MIER2: variants seen among roughly 807,000 people sequenced by gnomAD.
The protein encoded by MIER2 is mesoderm induction early response protein 2.
Under a neutral mutation model 67.6 loss-of-function variants are expected in MIER2, and 30 were observed. The observed-to-expected ratio is 0.44, with a 90% CI of 0.33 to 0.60. The LOEUF is 0.60. MIER2 is among the 20% of genes least tolerant of loss of function. The pLI is 0.02. For synonymous variants in MIER2, 372 were observed against 312.6 expected (o/e 1.19, Z -2.00); for missense variants, 702 against 745.1 (o/e 0.94, Z 0.67).
At chr19:328,655 C>T (rs772163061) in intron 3 of MIER2, among the ~76,000 whole-genome samples, 17 of 151,976 alleles carry the variant, frequency 1.1e-4, no homozygotes, top group Admixed American at 7.9e-4. Context: ...GGCTGAAGCA[C>T]GAGAATCACT....
intron 5 of MIER2, chr19:326,900 G>A (rs1971776965): frequency 3.3e-6 from 2 of 597,994 alleles, no homozygotes; most frequent in Non-Finnish European, 5.7e-6. Flanking sequence ...ATCTGCTAGG[G>A]GAACCAACAT....
chr19:306,779 T>C (rs1970671220), intron 13 of MIER2, 68 bp from the exon 14 acceptor site: 1 of 1,544,782 alleles, frequency 6.5e-7, no homozygotes, highest in African/African-American at 1.4e-5. Flanking sequence ...CACAGCCCAG[T>C]GCTGAGCGCT....
intron 10 of MIER2, among the ~76,000 whole-genome samples, chr19:310,288 C>T (rs891791662): frequency 6.6e-6 from 1 of 152,230 alleles, no homozygotes; most frequent in Non-Finnish European, 1.5e-5. Context: ...GCCCCATGCT[C>T]ACCGCTGCGA....
In MIER2 at chr19:308,506, T is replaced by A; in HGVS notation, c.1198+71A>T. On this transcript the variant is annotated intron_variant, in intron 12 of 13. Coordinates refer to ENST00000264819, the MANE Select transcript of MIER2 (RefSeq NM_017550.3). This position sits in a 1 kb window ranked among gnomAD's most constrained non-coding sequence, Gnocchi z 9.1. ...GCACAGGGCGCCAGGCAGGAGAGGC[T>A]CCACCGGGCCTCACTCACGGCTCCA... The A allele has an allele frequency of 6.9e-7, 1 of 1,453,870 alleles. No individual in the cohort carries two copies. The highest frequency in any genetic ancestry group is 9.3e-7 in the Non-Finnish European group (1 of 1,074,838). The allele number at this position is 1,453,870 out of a possible 1,614,324, so 90.1% of individuals were successfully genotyped here.
chr19:314,594 C>T (rs1971153201), intron 7 of MIER2, among the ~76,000 whole-genome samples: 1 of 152,126 alleles, frequency 6.6e-6, no homozygotes, highest in Non-Finnish European at 1.5e-5. Context: ...CAGGTTGGTG[C>T]TGTGCCCCAC....
intron 2 of MIER2, among the ~76,000 whole-genome samples, chr19:335,149 T>C (rs1324095733): frequency 6.6e-6 from 1 of 152,246 alleles, no homozygotes; most frequent in East Asian, 1.9e-4. Flanking sequence ...TCTGCATGTT[T>C]ACTCTCCAAT....
chr19:326,291 C>T (rs566923107), intron 6 of MIER2, among the ~76,000 whole-genome samples: 123 of 74,598 alleles, frequency 1.6e-3, no homozygotes, highest in Middle Eastern at 0.01. Flanking sequence ...AACCACAGTC[C>T]GGATGCCAGG....
chr19:343,953 C>CT, intron 1 of MIER2: 1 of 985,446 alleles, frequency 1.0e-6, no homozygotes, highest in Non-Finnish European at 1.2e-6. Context: ...TATCTGTTGT[C>CT]TTATCCTAGA....
At chr19:334,566 G>A (rs1233127793) in intron 2 of MIER2, 24 bp from the exon 3 acceptor site, 1 of 1,610,214 alleles carries the variant, frequency 6.2e-7, no homozygotes, top group Non-Finnish European at 8.5e-7. Context: ...AGCAGCCCAG[G>A]TGAGCACCGT....
chr19:337,891 A>AG, intron 1 of MIER2, among the ~76,000 whole-genome samples: 1 of 140,918 alleles, frequency 7.1e-6, no homozygotes, highest in Non-Finnish European at 1.5e-5. Context: ...AAAAAAAAAA[A>AG]GGCTGGGCGC....
intron 7 of MIER2, among the ~76,000 whole-genome samples, chr19:321,370 C>T (rs1291504128): frequency 2.6e-5 from 4 of 152,126 alleles, no homozygotes; most frequent in African/African-American, 4.8e-5. Flanking sequence ...ATGGGCCGGG[C>T]GCAGGGGCTC....
chr19:322,759 C>T (rs1971551504), intron 7 of MIER2, among the ~76,000 whole-genome samples: 1 of 152,094 alleles, frequency 6.6e-6, no homozygotes, highest in African/African-American at 2.4e-5. Flanking sequence ...GCACACACCT[C>T]CCACACGACT....
chr19:338,525 C>T lies in MIER2; in HGVS notation c.10-2352G>A, dbSNP rs373720980. On this transcript the variant is annotated intron_variant, in intron 1 of 13. Transcript: ENST00000264819. The stretch of plus-strand genomic sequence containing the variant: ...ACCCCCCACTGATTGACAAATTCAA[C>T]ACCATGTCTATCAGAACCCCAGTTG... Among the ~76,000 whole-genome samples, 77 of 152,248 alleles carry T rather than the reference C, an allele frequency of 5.1e-4. No individual in the cohort carries two copies. In the South Asian group the frequency reaches 0.016, roughly 32 times the overall value.
chr19:341,614 GCAGGTTCC>G (rs1972507434), intron 1 of MIER2, among the ~76,000 whole-genome samples: 1 of 152,144 alleles, frequency 6.6e-6, no homozygotes, highest in African/African-American at 2.4e-5. Flanking sequence ...TACTCTCAAA[GCAGGTTCC>G]CAGGGACTCT....
intron 1 of MIER2, among the ~76,000 whole-genome samples, chr19:343,264 C>T (rs1972583838): frequency 6.6e-6 from 1 of 152,178 alleles, no homozygotes; most frequent in Admixed American, 6.5e-5. Context: ...CTGACTTGTG[C>T]CATCCCAGAC....
rs537156814 is a variant in MIER2 at position 335,279 on chromosome 19, G to A, written c.101-737C>T. On this transcript the variant is annotated intron_variant, in intron 2 of 13. Transcript: ENST00000264819. ...GGAGTCCAGGGCACGAGGCCTCTAG[G>A]GCAGCCACACAGCCTGTAGGGCTGG... 6.6e-5 allele frequency among the ~76,000 whole-genome samples: 10 copies of A among 152,328 alleles called. No homozygotes were observed. The South Asian group carries it at 1.2e-3, about 19-fold the overall frequency.
At position 344,755 on chromosome 19, in the gene MIER2, C is replaced by T. The variant is rs1362228881; in HGVS notation, c.9+19G>A. Reference sequence around the variant, plus strand: ...ACGCGCGGGGGCGGGGGGCCGGCTCCCCCGGCCCGCTCACTCACCTCCGCC... The same window carrying T: ...ACGCGCGGGGGCGGGGGGCCGGCTCTCCCGGCCCGCTCACTCACCTCCGCC... On this transcript the variant is annotated intron_variant, in intron 1 of 13. Transcript: ENST00000264819. The T allele has an allele frequency of 1.7e-6, 2 of 1,177,612 alleles. No homozygotes were observed. Among genetic ancestry groups the T allele is most frequent in the East Asian group, 3.7e-5 (1 of 26,868 alleles). 72.9% of individuals were successfully genotyped at this position (1,177,612 alleles called of 1,614,324 possible).
chr19:321,302 G>A (rs866734690), intron 7 of MIER2, among the ~76,000 whole-genome samples: 3 of 152,172 alleles, frequency 2.0e-5, no homozygotes, highest in South Asian at 2.1e-4. Context: ...ACACTTCATG[G>A]CCAGGAAGCA....
chr19:328,354 T>C (rs191195462), intron 3 of MIER2, among the ~76,000 whole-genome samples: 6 of 150,068 alleles, frequency 4.0e-5, no homozygotes, highest in Non-Finnish European at 5.9e-5. Flanking sequence ...TAACTCAACA[T>C]CAATATATTA....
Sources: allele counts gnomAD v4.1 joint callset (sites outside exome capture counted in the v4.1 genomes callset), GRCh38; gene constraint gnomAD v4.1.1; non-coding constraint Gnocchi (gnomAD v3.1); transcripts MANE v1.5; gene names NCBI Gene and HGNC (gene_info 2026-07-23, HGNC 2026-07-21).